Variants in AMMECR1 observed in about 807,000 individuals in gnomAD.
AMMECR1 encodes AMMECR nuclear protein 1.
AMMECR1 carries 3 observed loss-of-function variants against 22.5 expected under a neutral mutation model. That is an observed-to-expected ratio of 0.13 (90% CI 0.06 to 0.35). The LOEUF is 0.35. Among genes scored for constraint, AMMECR1 ranks in the 10% least tolerant of loss-of-function variants. The probability of loss-of-function intolerance (pLI) is 1.00; values close to 1 mark genes in which losing one functional copy is unlikely to be tolerated. For synonymous variants in AMMECR1, 130 were observed against 116.7 expected (o/e 1.11, Z -0.74); for missense variants, 235 against 278.7 (o/e 0.84, Z 1.12).
At chrX:110,339,141 G>A (rs1240537611) in intron 2 of AMMECR1, among the ~76,000 whole-genome samples, 1 of 111,414 alleles carries the variant, frequency 9.0e-6, no homozygotes, top group Non-Finnish European at 1.9e-5. Flanking sequence ...ACAAGCGCGT[G>A]CAAGTTAAAG....
At chrX:110,398,437 C>A (rs1164922015) in intron 2 of AMMECR1, among the ~76,000 whole-genome samples, 2 of 112,470 alleles carry the variant, frequency 1.8e-5, no homozygotes, top group Non-Finnish European at 3.8e-5. Context: ...ATTTTTAAAT[C>A]TTAGAATACT....
chrX:110,408,481 C>T (rs1467683396), intron 2 of AMMECR1, among the ~76,000 whole-genome samples: 1 of 112,514 alleles, frequency 8.9e-6, no homozygotes, highest in East Asian at 2.8e-4. Flanking sequence ...GCTGGACTTC[C>T]ATGGAGCTGA....
intron 2 of AMMECR1, among the ~76,000 whole-genome samples, chrX:110,381,871 G>C (rs995784817): frequency 4.5e-5 from 5 of 110,838 alleles, no homozygotes; most frequent in African/African-American, 1.6e-4. Flanking sequence ...GGTACACATG[G>C]ACATAAAGAT....
chrX:110,355,704 G>A (rs963035869), intron 2 of AMMECR1, among the ~76,000 whole-genome samples: 3 of 111,558 alleles, frequency 2.7e-5, no homozygotes, highest in African/African-American at 6.5e-5. Context: ...TAGAATTACC[G>A]TATGATACAG....
chrX:110,385,374 T>C (rs1486106270), intron 2 of AMMECR1, among the ~76,000 whole-genome samples: 1 of 111,654 alleles, frequency 9.0e-6, no homozygotes, highest in East Asian at 2.8e-4. Context: ...TCTCAATAAA[T>C]TCACCTATTT....
At chrX:110,327,543 AGTC>A (rs2068102586) in intron 2 of AMMECR1, among the ~76,000 whole-genome samples, 2 of 111,471 alleles carry the variant, frequency 1.8e-5, no homozygotes, top group Non-Finnish European at 3.8e-5. Flanking sequence ...CAGGGCCAGA[AGTC>A]AGACTGGAGT....
intron 2 of AMMECR1, among the ~76,000 whole-genome samples, chrX:110,248,730 G>C (rs1222077908): frequency 8.9e-6 from 1 of 112,242 alleles, no homozygotes; most frequent in Non-Finnish European, 1.9e-5. Flanking sequence ...ACTCCTAAAT[G>C]TCTACCTTTT....
intron 1 of AMMECR1, among the ~76,000 whole-genome samples, chrX:110,288,614 C>T (rs1602862597): frequency 1.8e-5 from 2 of 111,959 alleles, no homozygotes; most frequent in East Asian, 5.6e-4. Context: ...TGGTACAGCC[C>T]TTCTTTTTGG....
intron 1 of AMMECR1, among the ~76,000 whole-genome samples, chrX:110,439,197 A>T (rs2068861457): frequency 8.9e-6 from 1 of 111,948 alleles, no homozygotes; most frequent in Admixed American, 9.4e-5. Flanking sequence ...TGCTTCAGGG[A>T]CTGACAAGCC....
chrX:110,324,075 C>G (rs2068088852), intron 2 of AMMECR1, among the ~76,000 whole-genome samples: 1 of 107,767 alleles, frequency 9.3e-6, no homozygotes, highest in Non-Finnish European at 1.9e-5. Context: ...TGGCTCACTG[C>G]AAGCTCTGCC....
chrX:110,266,416 G>T (rs754528692), intron 1 of AMMECR1, among the ~76,000 whole-genome samples: 9 of 111,349 alleles, frequency 8.1e-5, no homozygotes, highest in Non-Finnish European at 1.3e-4. Flanking sequence ...ATGGAGTCTT[G>T]CTCTGTTGCC....
At chrX:110,346,845 C>G (rs765893758) in intron 2 of AMMECR1, 1 of 657,882 alleles carries the variant, frequency 1.5e-6, no homozygotes, top group Admixed American at 2.2e-5. Flanking sequence ...GCTGTTGAGC[C>G]CGGCCTCCAG....
At chrX:110,374,569 A>C (rs1357496746) in intron 2 of AMMECR1, among the ~76,000 whole-genome samples, 1 of 112,218 alleles carries the variant, frequency 8.9e-6, no homozygotes. Context: ...GGTCCTCTTT[A>C]ACATGTACTT....
intron 3 of AMMECR1, among the ~76,000 whole-genome samples, chrX:110,215,704 G>A (rs2067470276): frequency 8.9e-6 from 1 of 111,753 alleles, no homozygotes; most frequent in South Asian, 3.7e-4. Context: ...ACTAAATTAT[G>A]ACATGCTTCA....
intron 2 of AMMECR1, among the ~76,000 whole-genome samples, chrX:110,338,491 G>C (rs1285464149): frequency 4.5e-5 from 5 of 112,066 alleles, no homozygotes; most frequent in African/African-American, 1.6e-4. Context: ...AGCTCAGATT[G>C]TAGATGGCCT....
At chrX:110,352,662 T>C (rs1196643834) in intron 2 of AMMECR1, among the ~76,000 whole-genome samples, 2 of 111,770 alleles carry the variant, frequency 1.8e-5, no homozygotes, top group Non-Finnish European at 3.8e-5. Flanking sequence ...TTGAATATAC[T>C]AAAAACCATT....
At chrX:110,233,017 AC>A (rs767268264) in intron 2 of AMMECR1, among the ~76,000 whole-genome samples, 2 of 109,498 alleles carry the variant, frequency 1.8e-5, no homozygotes, top group Non-Finnish European at 3.8e-5. Context: ...ACACAAAAAA[AC>A]CCCTTCAAAA....
At chrX:110,380,992 A>G (rs2068414641) in intron 2 of AMMECR1, among the ~76,000 whole-genome samples, 1 of 112,476 alleles carries the variant, frequency 8.9e-6, no homozygotes, top group Admixed American at 9.4e-5. Context: ...TAAAAACTCC[A>G]GAAGGAAACC....
At chrX:110,239,402 T>A (rs1214005440) in intron 2 of AMMECR1, among the ~76,000 whole-genome samples, 1 of 110,572 alleles carries the variant, frequency 9.0e-6, no homozygotes, top group Non-Finnish European at 1.9e-5. Context: ...TCGTGAAGCA[T>A]ACACAAGTAT....
Sources: allele counts gnomAD v4.1 joint callset (sites outside exome capture counted in the v4.1 genomes callset), GRCh38; gene constraint gnomAD v4.1.1; transcripts MANE v1.5; gene names NCBI Gene and HGNC (gene_info 2026-07-23, HGNC 2026-07-21).